Variants in CCDC167 observed in about 807,000 individuals in gnomAD.
The protein encoded by CCDC167 is coiled-coil domain containing 167, also known as coiled-coil domain-containing protein 167.
A neutral mutation model predicts 12.7 loss-of-function variants in CCDC167; 15 were observed. The ratio of observed to expected loss-of-function variants is 1.18; its 90% confidence interval spans 0.79 to 1.81. The LOEUF (loss-of-function observed/expected upper bound fraction) is 1.81. Among genes scored for constraint, CCDC167 ranks in the 40% most tolerant of loss-of-function variants. The probability of loss-of-function intolerance (pLI) is 0.00; values close to 1 mark genes in which losing one functional copy is unlikely to be tolerated. For missense variants in CCDC167, 121 were observed against 120.1 expected (o/e 1.01, Z -0.03); for synonymous variants, 52 against 49.0 (o/e 1.06, Z -0.26).
rs559029263 is a variant in CCDC167 at position 37,483,655 on chromosome 6, C to T, written c.191-366G>A. On this transcript the variant is annotated intron_variant, in intron 3 of 3. Transcript: ENST00000373408. ...CTGTCATGGGGTTGGCTGTGGTGCT[C>T]ATCCTTCAAGGCATCTCATCCGCCA... Among the ~76,000 whole-genome samples the T allele has an allele frequency of 4.6e-5, 7 of 152,290 alleles. No homozygotes were observed. In the South Asian group the frequency reaches 8.3e-4, roughly 18 times the overall value.
At chr6:37,499,458 G>A (rs893505011) in intron 1 of CCDC167, among the ~76,000 whole-genome samples, 1 of 152,074 alleles carries the variant, frequency 6.6e-6, no homozygotes, top group Non-Finnish European at 1.5e-5. Flanking sequence ...AGATTCTACA[G>A]GTCCCTATTT....
chr6:37,489,278 G>T (rs1206760049), intron 1 of CCDC167, among the ~76,000 whole-genome samples: 2 of 152,004 alleles, frequency 1.3e-5, no homozygotes, highest in African/African-American at 4.8e-5. Context: ...GGGGTGTGAG[G>T]TGGAGAGGAA....
intron 1 of CCDC167, among the ~76,000 whole-genome samples, chr6:37,492,618 C>CA (rs1240624229): frequency 1.3e-5 from 2 of 152,240 alleles, no homozygotes; most frequent in Non-Finnish European, 2.9e-5. Flanking sequence ...CTTCTTTCCC[C>CA]AGCAGTACCG....
chr6:37,492,668 T>G (rs945719211), intron 1 of CCDC167, among the ~76,000 whole-genome samples: 1 of 151,938 alleles, frequency 6.6e-6, no homozygotes, highest in African/African-American at 2.4e-5. Context: ...GCCTGGAGAG[T>G]GGTGTCAGCT....
intron 1 of CCDC167, among the ~76,000 whole-genome samples, chr6:37,485,452 C>G (rs1049944248): frequency 2.6e-5 from 4 of 152,248 alleles, no homozygotes; most frequent in Admixed American, 6.5e-5. Context: ...CCCAGGGTCT[C>G]ACAGCTGTCC....
At chr6:37,499,355 A>T (rs1561801270) in intron 1 of CCDC167, among the ~76,000 whole-genome samples, 1 of 152,098 alleles carries the variant, frequency 6.6e-6, no homozygotes, top group Non-Finnish European at 1.5e-5. Flanking sequence ...CGGAGGAAAA[A>T]TTTCCCCTTT....
At chr6:37,485,282 C>A in intron 1 of CCDC167, 88 bp from the exon 2 acceptor site, 1 of 983,566 alleles carries the variant, frequency 1.0e-6, no homozygotes, top group Non-Finnish European at 1.6e-6. Flanking sequence ...CGGGAGTCTT[C>A]TTGGACAGGT....
intron 3 of CCDC167, 111 bp downstream of exon 3, chr6:37,484,698 TC>T: frequency 7.9e-7 from 1 of 1,265,618 alleles, no homozygotes. Flanking sequence ...GCTGGTTCCC[TC>T]CCAAAGAACC....
chr6:37,484,920 G>GAA, intron 2 of CCDC167, 58 bp from the exon 3 acceptor site: 1 of 1,604,714 alleles, frequency 6.2e-7, no homozygotes, highest in Non-Finnish European at 8.5e-7. Flanking sequence ...CACCCGAGGG[G>GAA]CAGCTGGCAT....
intron 3 of CCDC167, among the ~76,000 whole-genome samples, chr6:37,483,736 A>T (rs530305660): frequency 2.0e-5 from 3 of 152,296 alleles, no homozygotes; most frequent in Non-Finnish European, 4.4e-5. Flanking sequence ...AGGAGGTGCT[A>T]GGTGGGGCCA....
intron 1 of CCDC167, among the ~76,000 whole-genome samples, chr6:37,489,253 C>CAACA (rs1554123785): frequency 0.032 from 4,737 of 149,310 alleles, 267 homozygotes; most frequent in African/African-American, 0.11. Flanking sequence ...AACAAACAAA[C>CAACA]AAAAAAAAAC....
At chr6:37,483,454 C>T (rs1403080445) in intron 3 of CCDC167, among the ~76,000 whole-genome samples, 165 bp from the exon 4 acceptor site, 1 of 152,240 alleles carries the variant, frequency 6.6e-6, no homozygotes, top group Non-Finnish European at 1.5e-5. Flanking sequence ...TGCCCAAATC[C>T]TGACACCCTT....
At chr6:37,490,766 C>A (rs957405015) in intron 1 of CCDC167, among the ~76,000 whole-genome samples, 7 of 152,164 alleles carry the variant, frequency 4.6e-5, no homozygotes, top group Non-Finnish European at 1.0e-4. Context: ...GGCCGTCAAT[C>A]CTGCTGGCAG....
chr6:37,497,771 T>C (rs920862078), intron 1 of CCDC167, among the ~76,000 whole-genome samples: 1 of 150,942 alleles, frequency 6.6e-6, no homozygotes, highest in South Asian at 2.1e-4. Context: ...AAGGTGGGGG[T>C]GAACACTTGA....
rs987705551 is a variant in CCDC167, at chr6:37,484,826, GTTCA to G, written c.170_173del (p.Met57ThrfsTer10). The G allele has an allele frequency of 1.9e-6, 3 of 1,614,268 alleles. No individual in the cohort carries two copies. Among genetic ancestry groups the G allele is most frequent in the Non-Finnish European group, 2.5e-6 (3 of 1,180,046 alleles). ...CTTTCTTACCGTAGTTGGAGGCTTT[GTTCA>G]TTAGGCTGTTTTTCTCCTTCTCCAG... On this transcript the variant is annotated frameshift_variant, in exon 3 of 4. Transcript: ENST00000373408. LOFTEE classifies it high-confidence loss of function.
At chr6:37,497,373 A>ACC (rs1391846007) in intron 1 of CCDC167, among the ~76,000 whole-genome samples, 4 of 152,150 alleles carry the variant, frequency 2.6e-5, no homozygotes, top group Admixed American at 2.6e-4. Context: ...TATATTGTTG[A>ACC]TTCATTAACA....
intron 1 of CCDC167, among the ~76,000 whole-genome samples, chr6:37,487,575 C>T (rs1355713698): frequency 6.6e-6 from 1 of 152,198 alleles, no homozygotes; most frequent in Non-Finnish European, 1.5e-5. Context: ...TGAGCCAGGC[C>T]TTGGTTTGCG....
At chr6:37,486,961 T>C (rs1372081951) in intron 1 of CCDC167, among the ~76,000 whole-genome samples, 1 of 145,872 alleles carries the variant, frequency 6.9e-6, no homozygotes, top group Non-Finnish European at 1.5e-5. Flanking sequence ...CTTGATGCCC[T>C]ACCTCCTCCA....
intron 1 of CCDC167, among the ~76,000 whole-genome samples, chr6:37,489,491 G>C (rs1761988086): frequency 6.6e-6 from 1 of 152,204 alleles, no homozygotes; most frequent in Admixed American, 6.5e-5. Flanking sequence ...ACAAAGCTGG[G>C]GTGGGCCTCT....
Sources: allele counts gnomAD v4.1 joint callset (sites outside exome capture counted in the v4.1 genomes callset), GRCh38; gene constraint gnomAD v4.1.1; transcripts MANE v1.5; gene names NCBI Gene and HGNC (gene_info 2026-07-23, HGNC 2026-07-21).